Variants in LRRC4C observed in about 807,000 individuals in gnomAD.
The protein encoded by LRRC4C is leucine rich repeat containing 4C.
A neutral mutation model predicts 33.6 loss-of-function variants in LRRC4C; 5 were observed. That is an observed-to-expected ratio of 0.15 (90% CI 0.08 to 0.31). The LOEUF is 0.31. Among genes scored for constraint, LRRC4C ranks in the 10% least tolerant of loss-of-function variants. The pLI, the probability that LRRC4C is intolerant of heterozygous loss-of-function variation, is 1.00. For synonymous variants in LRRC4C, 329 were observed against 302.0 expected, an observed-to-expected ratio of 1.09 and a Z score of -0.93; for missense variants, 560 against 796.7, an observed-to-expected ratio of 0.70 and a Z score of 3.58.
At chr11:40,414,318 A>C (rs749699294) in intron 3 of LRRC4C, among the ~76,000 whole-genome samples, 3 of 152,034 alleles carry the variant, frequency 2.0e-5, no homozygotes, top group Non-Finnish European at 4.4e-5. Flanking sequence ...GCTGAACATT[A>C]TTTTTGGCTA....
chr11:40,918,823 T>A (rs1261647356), intron 2 of LRRC4C, among the ~76,000 whole-genome samples: 1 of 152,090 alleles, frequency 6.6e-6, no homozygotes, highest in Non-Finnish European at 1.5e-5. Context: ...TAATGATGAG[T>A]TAAACTCAAA....
intron 1 of LRRC4C, among the ~76,000 whole-genome samples, chr11:41,059,859 T>C (rs1190697406): frequency 6.6e-6 from 1 of 152,100 alleles, no homozygotes; most frequent in East Asian, 1.9e-4. Context: ...ACCCCATCTC[T>C]ACTAAAAATA....
chr11:40,546,281 C>A (rs1233695976), intron 3 of LRRC4C, among the ~76,000 whole-genome samples: 2 of 151,956 alleles, frequency 1.3e-5, no homozygotes, highest in East Asian at 3.9e-4. Flanking sequence ...ATTCAAGGGT[C>A]ATGATACTGA....
chr11:40,121,422 G>T (rs2134662822), intron 6 of LRRC4C, among the ~76,000 whole-genome samples: 1 of 152,132 alleles, frequency 6.6e-6, no homozygotes, highest in East Asian at 1.9e-4. Flanking sequence ...ATCAACAAAA[G>T]GTTTTTTACT....
At chr11:40,679,732 T>C (rs1054473655) in intron 2 of LRRC4C, among the ~76,000 whole-genome samples, 1 of 152,168 alleles carries the variant, frequency 6.6e-6, no homozygotes, top group African/African-American at 2.4e-5. Context: ...AGATCTCAGA[T>C]GTATGAGGAT....
intron 2 of LRRC4C, among the ~76,000 whole-genome samples, chr11:40,760,068 G>A (rs1428481352): frequency 6.6e-6 from 1 of 151,808 alleles, no homozygotes; most frequent in African/African-American, 2.4e-5. Context: ...AGATTGAGGT[G>A]AAATAGAAAA....
chr11:41,311,999 C>G (rs887038835), intron 1 of LRRC4C, among the ~76,000 whole-genome samples: 2 of 152,288 alleles, frequency 1.3e-5, no homozygotes, highest in South Asian at 4.1e-4. Context: ...ATTGAGATAG[C>G]AAGAGCTCAA....
chr11:40,246,957 A>G (rs1302660181), intron 4 of LRRC4C, among the ~76,000 whole-genome samples: 1 of 152,168 alleles, frequency 6.6e-6, no homozygotes, highest in Non-Finnish European at 1.5e-5. Context: ...AATAATACCA[A>G]CTGCTCAGTG....
chr11:40,968,361 C>T (rs543851733), intron 1 of LRRC4C, among the ~76,000 whole-genome samples: 89 of 152,092 alleles, frequency 5.9e-4, no homozygotes, highest in African/African-American at 1.9e-3. Context: ...AAGCAGCAAG[C>T]GCTAATGTAG....
At chr11:41,008,127 A>G (rs1040914937) in intron 1 of LRRC4C, among the ~76,000 whole-genome samples, 1 of 152,092 alleles carries the variant, frequency 6.6e-6, no homozygotes, top group Non-Finnish European at 1.5e-5. Flanking sequence ...CTTTTCAGTA[A>G]TCATACCCAA....
intron 2 of LRRC4C, among the ~76,000 whole-genome samples, chr11:40,767,913 T>G (rs1565036148): frequency 6.6e-6 from 1 of 151,484 alleles, no homozygotes; most frequent in Admixed American, 6.6e-5. Flanking sequence ...TTTAAATAAT[T>G]AAAAATACAG....
At chr11:40,709,471 T>A (rs1333287607) in intron 2 of LRRC4C, among the ~76,000 whole-genome samples, 1 of 152,130 alleles carries the variant, frequency 6.6e-6, no homozygotes, top group African/African-American at 2.4e-5. Flanking sequence ...TGAAGCTTAG[T>A]TTGGCTGGAT....
intron 4 of LRRC4C, among the ~76,000 whole-genome samples, chr11:40,266,141 T>C (rs548000481): frequency 6.6e-6 from 1 of 151,804 alleles, no homozygotes; most frequent in Admixed American, 6.6e-5. Flanking sequence ...CTACAAAAAA[T>C]AAAATAATTA....
chr11:40,400,922 A>G (rs1252964050), intron 3 of LRRC4C, among the ~76,000 whole-genome samples: 1 of 152,058 alleles, frequency 6.6e-6, no homozygotes, highest in Non-Finnish European at 1.5e-5. Context: ...CTCCCCTACC[A>G]ATCTATAAAT....
intron 5 of LRRC4C, among the ~76,000 whole-genome samples, chr11:40,172,178 C>G (rs1860102011): frequency 6.6e-6 from 1 of 152,182 alleles, no homozygotes; most frequent in Admixed American, 6.5e-5. Flanking sequence ...CCAGACACAA[C>G]TTGATCTTGG....
Position 40,569,918 on chromosome 11 carries a change from T to C in LRRC4C, c.-270+78224A>G, listed in dbSNP as rs569077101. On this transcript the variant is annotated intron_variant, in intron 3 of 6. Coordinates refer to ENST00000528697, the MANE Select transcript of LRRC4C (RefSeq NM_001258419.2). Reference sequence around the variant, plus strand: ...AGTAAAATCATGTTGCTGAGAAATATTCATAAAAGGTTTACCGAGTAAAAA... The same window carrying C: ...AGTAAAATCATGTTGCTGAGAAATACTCATAAAAGGTTTACCGAGTAAAAA... Among the ~76,000 whole-genome samples, 21 of 151,544 alleles carry C rather than the reference T, an allele frequency of 1.4e-4. 3 individuals are homozygous for C. In the South Asian group the frequency reaches 4.1e-3, roughly 30 times the overall value.
At chr11:40,753,015 A>G (rs895664322) in intron 2 of LRRC4C, among the ~76,000 whole-genome samples, 2 of 152,136 alleles carry the variant, frequency 1.3e-5, no homozygotes, top group Non-Finnish European at 2.9e-5. Context: ...CAAATAAGTC[A>G]GGCACTGAAA....
intron 1 of LRRC4C, among the ~76,000 whole-genome samples, chr11:41,369,380 G>A (rs1419428480): frequency 6.6e-6 from 1 of 152,004 alleles, no homozygotes; most frequent in Non-Finnish European, 1.5e-5. Flanking sequence ...GCCTCTAAGA[G>A]GGTGGAGGGT....
rs540054569 is a variant in LRRC4C, at chr11:40,423,626, G to C, written c.-269-103905C>G. 5.0e-3 allele frequency among the ~76,000 whole-genome samples: 755 copies of C among 152,208 alleles called. 5 individuals are homozygous for C. The highest frequency in any genetic ancestry group is 0.017 in the African/African-American group (721 of 41,532). On this transcript the variant is annotated intron_variant, in intron 3 of 6. Transcript: ENST00000528697. The stretch of plus-strand genomic sequence containing the variant: ...CCCAAAGTGCTGGGATTACAGGCGT[G>C]AGCCACCGCGTCCGGCTGTTCATGT...
Sources: gnomAD v4.1 joint callset for allele counts (sites outside exome capture counted in the v4.1 genomes callset) on GRCh38, gnomAD v4.1.1 for gene constraint, MANE v1.5 for transcripts, NCBI Gene and HGNC (gene_info 2026-07-23, HGNC 2026-07-21) for gene names.